The following PARD3 variants were observed in gnomAD, a reference collection of about 807,000 sequenced individuals.
PARD3 encodes partitioning defective 3 homolog.
PARD3 carries 75 observed loss-of-function variants against 155.4 expected under a neutral mutation model. That is an observed-to-expected ratio of 0.48 (90% CI 0.40 to 0.58). PARD3 has a LOEUF of 0.58. Among genes scored for constraint, PARD3 ranks in the 20% least tolerant of loss-of-function variants. The pLI, the probability that PARD3 is intolerant of heterozygous loss-of-function variation, is 0.00. For synonymous variants in PARD3, 576 were observed against 610.5 expected (o/e 0.94, Z 0.83); for missense variants, 1,642 against 1,721.7 (o/e 0.95, Z 0.82).
intron 2 of PARD3, among the ~76,000 whole-genome samples, chr10:34,558,164 A>G (rs2085167263): frequency 1.4e-5 from 2 of 144,718 alleles, no homozygotes; most frequent in South Asian, 4.4e-4. Context: ...TCTTTTTGCT[A>G]AAAAAAAAAA....
intron 2 of PARD3, among the ~76,000 whole-genome samples, chr10:34,522,331 G>A (rs1013125553): frequency 4.6e-5 from 7 of 152,108 alleles, no homozygotes; most frequent in Admixed American, 2.6e-4. Flanking sequence ...CTAGAGCCTC[G>A]AGAAAGGAGC....
intron 7 of PARD3, among the ~76,000 whole-genome samples, chr10:34,389,701 C>A (rs1243654782): frequency 6.6e-6 from 1 of 152,166 alleles, no homozygotes; most frequent in African/African-American, 2.4e-5. Flanking sequence ...AAGAACCGCT[C>A]AGCTCCCTGA....
intron 6 of PARD3, among the ~76,000 whole-genome samples, chr10:34,399,766 C>G (rs7358267): frequency 6.6e-5 from 10 of 152,174 alleles, no homozygotes; most frequent in Non-Finnish European, 1.3e-4. Flanking sequence ...TAGACTTACA[C>G]TGAAACTCTT....
chr10:34,419,971 G>T (rs941415053), intron 5 of PARD3, among the ~76,000 whole-genome samples: 18 of 152,198 alleles, frequency 1.2e-4, no homozygotes, highest in Non-Finnish European at 2.5e-4. Flanking sequence ...GATTGAGACA[G>T]AGTCTTGCTT....
chr10:34,372,610 A>C, intron 11 of PARD3, 74 bp from the exon 12 acceptor site: 3 of 1,069,774 alleles, frequency 2.8e-6, no homozygotes, highest in Non-Finnish European at 1.4e-6. Flanking sequence ...ACAATGATTT[A>C]TTTTAAAGAA....
intron 12 of PARD3, among the ~76,000 whole-genome samples, chr10:34,370,315 T>G (rs1840453741): frequency 6.6e-6 from 1 of 152,232 alleles, no homozygotes; most frequent in Non-Finnish European, 1.5e-5. Context: ...GGTTGTGAAC[T>G]GAAATGCAGC....
At chr10:34,183,555 T>G (rs941783573) in intron 22 of PARD3, among the ~76,000 whole-genome samples, 6 of 152,142 alleles carry the variant, frequency 3.9e-5, no homozygotes, top group African/African-American at 1.4e-4. Context: ...ATTCCCGCCC[T>G]CTTCTCACCA....
intron 2 of PARD3, among the ~76,000 whole-genome samples, chr10:34,665,624 G>C (rs900815965): frequency 1.3e-5 from 2 of 152,142 alleles, no homozygotes; most frequent in African/African-American, 2.4e-5. Flanking sequence ...CGGATCACGA[G>C]GTCAGGGGTT....
At chr10:34,636,697 T>C (rs1016823186) in intron 2 of PARD3, among the ~76,000 whole-genome samples, 2 of 152,198 alleles carry the variant, frequency 1.3e-5, no homozygotes, top group Admixed American at 6.5e-5. Context: ...GTCTCCACGT[T>C]AATTTGACTG....
chr10:34,330,452 C>T lies in PARD3; in HGVS notation c.2833+665G>A, dbSNP rs189510557. 2.8e-3 allele frequency among the ~76,000 whole-genome samples: 419 copies of T among 151,872 alleles called. 1 individual carries two copies. Among genetic ancestry groups the T allele is most frequent in the African/African-American group, 9.6e-3 (398 of 41,426 alleles). On this transcript the variant is annotated intron_variant, in intron 19 of 24. Transcript: ENST00000374788. The stretch of plus-strand genomic sequence containing the variant: ...TCAAAATAAACACACATAAATATAG[C>T]TTGCTAGTTTAGTTATAGGAAAGAA...
intron 22 of PARD3, among the ~76,000 whole-genome samples, chr10:34,132,687 C>A (rs1315500677): frequency 2.0e-5 from 3 of 152,148 alleles, no homozygotes; most frequent in Non-Finnish European, 2.9e-5. Context: ...CAGGGAAATA[C>A]TGGGTAGGAG....
chr10:34,557,991 G>C (rs762514784), intron 2 of PARD3, among the ~76,000 whole-genome samples: 36 of 151,372 alleles, frequency 2.4e-4, no homozygotes, highest in Non-Finnish European at 4.3e-4. Flanking sequence ...TCACAAAACT[G>C]TTACTATTCT....
At chr10:34,452,592 G>A (rs1361170255) in intron 4 of PARD3, among the ~76,000 whole-genome samples, 1 of 152,030 alleles carries the variant, frequency 6.6e-6, no homozygotes, top group Non-Finnish European at 1.5e-5. Context: ...CCACCCCTCT[G>A]CTCCTTCCTG....
chr10:34,299,612 TAGAC>T (rs944435788), intron 20 of PARD3, among the ~76,000 whole-genome samples: 2 of 152,190 alleles, frequency 1.3e-5, no homozygotes, highest in Non-Finnish European at 2.9e-5. Flanking sequence ...TTCTGTCAGA[TAGAC>T]AGGAGTGTAG....
At chr10:34,349,631 T>C (rs963473087) in intron 14 of PARD3, among the ~76,000 whole-genome samples, 11 of 114,778 alleles carry the variant, frequency 9.6e-5, no homozygotes, top group Non-Finnish European at 1.7e-4. Context: ...GAATACTCTA[T>C]ACCATTAAGA....
intron 2 of PARD3, among the ~76,000 whole-genome samples, chr10:34,663,400 A>G (rs1422348949): frequency 1.3e-5 from 2 of 152,098 alleles, no homozygotes; most frequent in African/African-American, 4.8e-5. Flanking sequence ...CGGGAGGCGG[A>G]GATTGCAGTG....
chr10:34,171,670 C>T (rs113236778), intron 22 of PARD3, among the ~76,000 whole-genome samples: 2,234 of 151,998 alleles, frequency 0.015, 58 homozygotes, highest in African/African-American at 0.051. Context: ...GTCCTCAGGC[C>T]AGGTGCGGTG....
chr10:34,725,256 G>T (rs367544758), intron 1 of PARD3, among the ~76,000 whole-genome samples: 2 of 151,928 alleles, frequency 1.3e-5, no homozygotes, highest in Non-Finnish European at 2.9e-5. Flanking sequence ...AGGTTCAAGC[G>T]ATTCTCCTGC....
At chr10:34,454,108 T>C (rs576931995) in intron 4 of PARD3, among the ~76,000 whole-genome samples, 127 of 152,346 alleles carry the variant, frequency 8.3e-4, no homozygotes, top group African/African-American at 2.9e-3. Context: ...AAATACATTA[T>C]TAATTCCTAT....
Sources: gnomAD v4.1 joint callset for allele counts (sites outside exome capture counted in the v4.1 genomes callset) on GRCh38, gnomAD v4.1.1 for gene constraint, MANE v1.5 for transcripts, NCBI Gene and HGNC (gene_info 2026-07-23, HGNC 2026-07-21) for gene names.